The following TMPRSS15 variants were observed in gnomAD, a reference collection of about 807,000 sequenced individuals.
TMPRSS15 encodes the protein transmembrane serine protease 15, also known as enteropeptidase.
Under a neutral mutation model 125.3 loss-of-function variants are expected in TMPRSS15, and 128 were observed. The observed-to-expected ratio is 1.02, with a 90% CI of 0.89 to 1.18. The LOEUF (loss-of-function observed/expected upper bound fraction) is 1.18, where lower values mean the gene tolerates loss of function less well. Ranked by LOEUF, TMPRSS15 falls within the 50% of genes most tolerant of loss-of-function variation. The probability of loss-of-function intolerance (pLI) is 0.00; values close to 1 mark genes in which losing one functional copy is unlikely to be tolerated. For synonymous variants in TMPRSS15, 446 were observed against 423.2 expected (o/e 1.05, Z -0.66); for missense variants, 1,283 against 1,212.7 (o/e 1.06, Z -0.86).
chr21:18,397,983 T>C (rs993673439), intron 2 of TMPRSS15, 37 bp from the exon 3 acceptor site: 1 of 1,348,052 alleles, frequency 7.4e-7, no homozygotes, highest in African/African-American at 1.5e-5. Flanking sequence ...GTATACTAAA[T>C]TTAGGATTTT....
intron 3 of TMPRSS15, among the ~76,000 whole-genome samples, chr21:18,393,670 A>T (rs1232002690): frequency 2.0e-5 from 3 of 152,184 alleles, no homozygotes; most frequent in Non-Finnish European, 4.4e-5. Flanking sequence ...TGACTCTGTC[A>T]TATCTCCCCA....
intron 10 of TMPRSS15, among the ~76,000 whole-genome samples, chr21:18,351,959 G>T (rs1233397896): frequency 6.6e-6 from 1 of 152,058 alleles, no homozygotes; most frequent in East Asian, 1.9e-4. Context: ...TAGAACCATA[G>T]CTGGTTAGAG....
intron 1 of TMPRSS15, among the ~76,000 whole-genome samples, chr21:18,470,226 T>G (rs1213325439): frequency 6.6e-6 from 1 of 152,080 alleles, no homozygotes; most frequent in South Asian, 2.1e-4. Context: ...CAACTTTTCT[T>G]TGGGCCTTCA....
chr21:18,319,629 A>G (rs189311325), intron 16 of TMPRSS15, among the ~76,000 whole-genome samples: 142 of 152,122 alleles, frequency 9.3e-4, no homozygotes, highest in Middle Eastern at 6.8e-3. Flanking sequence ...GGTTTTCTCA[A>G]TGTTGGTCAG....
intron 1 of TMPRSS15, among the ~76,000 whole-genome samples, chr21:18,420,565 A>C (rs1205307537): frequency 6.6e-6 from 1 of 152,230 alleles, no homozygotes; most frequent in Non-Finnish European, 1.5e-5. Flanking sequence ...ACTTAGTGAT[A>C]TTTGTCATTG....
At chr21:18,482,877 G>C (rs1979009694) in intron 1 of TMPRSS15, among the ~76,000 whole-genome samples, 1 of 151,340 alleles carries the variant, frequency 6.6e-6, no homozygotes, top group Admixed American at 6.6e-5. Context: ...CTTTATCCTA[G>C]TGCTCTTGAA....
chr21:18,432,659 G>C (rs1367132597), intron 1 of TMPRSS15, among the ~76,000 whole-genome samples: 1 of 152,134 alleles, frequency 6.6e-6, no homozygotes, highest in Non-Finnish European at 1.5e-5. Flanking sequence ...CCAGGAGTCG[G>C]GAGAGTCAAG....
At chr21:18,359,244 T>C (rs1293056333) in intron 8 of TMPRSS15, among the ~76,000 whole-genome samples, 2 of 152,174 alleles carry the variant, frequency 1.3e-5, no homozygotes, top group East Asian at 1.9e-4. Flanking sequence ...TAAATGGTTA[T>C]ATAGTAACAA....
chr21:18,343,487 A>G lies in TMPRSS15; in HGVS notation c.1428+19T>C. The G allele has an allele frequency of 6.4e-7, 1 of 1,570,506 alleles. No individual in the cohort carries two copies. Among genetic ancestry groups the G allele is most frequent in the Non-Finnish European group, 8.8e-7 (1 of 1,142,276 alleles). On this transcript the variant is annotated intron_variant, in intron 12 of 24. Transcript: ENST00000284885. ...CCACAAAAAGGATACAAATATAAAT[A>G]ATAAAGTATTTTGCAAACCTTAAAT...
At chr21:18,341,212 C>A (rs908151724) in intron 13 of TMPRSS15, among the ~76,000 whole-genome samples, 8 of 152,082 alleles carry the variant, frequency 5.3e-5, no homozygotes, top group Non-Finnish European at 1.2e-4. Flanking sequence ...CAGGTATGCA[C>A]CACTGTGCCC....
chr21:18,301,883 G>A (rs535419164), intron 18 of TMPRSS15, among the ~76,000 whole-genome samples: 2 of 152,240 alleles, frequency 1.3e-5, no homozygotes, highest in Admixed American at 1.3e-4. Flanking sequence ...GAAGCATATA[G>A]ATGCAACCAT....
chr21:18,376,130 T>C (rs1363415787), intron 5 of TMPRSS15, among the ~76,000 whole-genome samples: 1 of 152,188 alleles, frequency 6.6e-6, no homozygotes, highest in African/African-American at 2.4e-5. Context: ...CCAGTGTTAT[T>C]TCACTATGTT....
At chr21:18,364,495 A>G (rs1039169203) in intron 7 of TMPRSS15, among the ~76,000 whole-genome samples, 1 of 152,134 alleles carries the variant, frequency 6.6e-6, no homozygotes, top group Non-Finnish European at 1.5e-5. Context: ...AATTCTTTTT[A>G]TCCTTGGAAT....
chr21:18,274,919 A>G (rs1171432222), intron 24 of TMPRSS15, among the ~76,000 whole-genome samples: 1 of 152,230 alleles, frequency 6.6e-6, no homozygotes, highest in Non-Finnish European at 1.5e-5. Flanking sequence ...GGCTCAACCC[A>G]GGTCCACTGC....
At chr21:18,469,493 G>A (rs1311979120) in intron 1 of TMPRSS15, among the ~76,000 whole-genome samples, 5 of 152,008 alleles carry the variant, frequency 3.3e-5, no homozygotes, top group African/African-American at 1.2e-4. Context: ...GAAAATGATT[G>A]GGACAATTCT....
chr21:18,440,265 C>G (rs903537906), intron 1 of TMPRSS15, among the ~76,000 whole-genome samples: 3 of 147,052 alleles, frequency 2.0e-5, no homozygotes, highest in Non-Finnish European at 1.5e-5. Context: ...CCCAGCTACA[C>G]GGGAGGCTGA....
Position 18,278,988 on chromosome 21 carries a change from C to T in TMPRSS15, c.2740G>A (p.Gly914Ser), listed in dbSNP as rs1019599846. ...FPPGRNCSIA[G>S]WGTVVYQGTT... Reference sequence around the variant, plus strand: ...CCTTGATATACAACCGTCCCCCAACCAGCAATAGAACAATTTCTTCCTGGA... The same window carrying T: ...CCTTGATATACAACCGTCCCCCAACTAGCAATAGAACAATTTCTTCCTGGA... The change falls in exon 23 of 25, where the codon GGT (glycine) becomes AGT (serine). Residue 914 changes from glycine (G) to serine (S), a missense_variant. Physicochemically the swap from Gly to Ser is moderately conservative, Grantham distance 56. Coordinates refer to ENST00000284885, the MANE Select transcript of TMPRSS15 (RefSeq NM_002772.3). 7.7e-6 allele frequency: 12 copies of T among 1,555,980 alleles called. No individual in the cohort carries two copies. The African/African-American group carries it at 1.3e-4, about 16-fold the overall frequency.
At chr21:18,283,040 G>A (rs556954737) in intron 21 of TMPRSS15, among the ~76,000 whole-genome samples, 30 of 152,158 alleles carry the variant, frequency 2.0e-4, no homozygotes, top group Non-Finnish European at 3.7e-4. Flanking sequence ...AGGTCATTAT[G>A]GTGCTGTACA....
chr21:18,458,530 G>A (rs749130129), intron 1 of TMPRSS15, among the ~76,000 whole-genome samples: 2 of 152,130 alleles, frequency 1.3e-5, no homozygotes, highest in Admixed American at 6.5e-5. Flanking sequence ...GAGGAGTTAC[G>A]GTTGTTTTCA....
Sources: gnomAD v4.1 joint callset for allele counts (sites outside exome capture counted in the v4.1 genomes callset) on GRCh38, gnomAD v4.1.1 for gene constraint, MANE v1.5 for transcripts, NCBI Gene and HGNC (gene_info 2026-07-23, HGNC 2026-07-21) for gene names.